RBFOX1: variants seen among roughly 807,000 people sequenced by gnomAD.
The protein encoded by RBFOX1 is RNA binding fox-1 homolog 1.
Under a neutral mutation model 57.7 loss-of-function variants are expected in RBFOX1, and 8 were observed. The ratio of observed to expected loss-of-function variants is 0.14; its 90% CI spans 0.08 to 0.25. RBFOX1 has a LOEUF of 0.25. Ranked by LOEUF, RBFOX1 falls within the 10% of genes least tolerant of loss-of-function variation. The pLI is 1.00. For synonymous variants in RBFOX1, 326 were observed against 222.4 expected (o/e 1.47, Z -4.15); for missense variants, 611 against 548.5 (o/e 1.11, Z -1.14).
At chr16:6,486,432 AATG>A (rs1247764655) in intron 2 of RBFOX1, among the ~76,000 whole-genome samples, 1 of 152,082 alleles carries the variant, frequency 6.6e-6, no homozygotes, top group African/African-American at 2.4e-5. Context: ...CTAATAATAA[AATG>A]ATTATTATTA....
At chr16:6,890,505 C>G (rs9933192) in intron 3 of RBFOX1, among the ~76,000 whole-genome samples, 97 of 152,048 alleles carry the variant, frequency 6.4e-4, no homozygotes, top group African/African-American at 2.3e-3. Flanking sequence ...GGCAACAGAG[C>G]GAGACTCCAT....
At chr16:7,415,057 G>C (rs912263185) in intron 4 of RBFOX1, among the ~76,000 whole-genome samples, 5 of 152,214 alleles carry the variant, frequency 3.3e-5, no homozygotes, top group Admixed American at 2.6e-4. Context: ...TACAGCCTCT[G>C]ACATACAAAG....
chr16:7,508,749 G>T (rs2074165125), intron 4 of RBFOX1, among the ~76,000 whole-genome samples: 1 of 152,104 alleles, frequency 6.6e-6, no homozygotes, highest in Non-Finnish European at 1.5e-5. Flanking sequence ...AAGCAGAAAG[G>T]TTGAATTCTT....
At chr16:5,789,599 A>T (rs1383561045) in intron 3 of RBFOX1, among the ~76,000 whole-genome samples, 1 of 152,114 alleles carries the variant, frequency 6.6e-6, no homozygotes, top group Admixed American at 6.5e-5. Context: ...CTGAGAGCTT[A>T]TTATTGTTCT....
At chr16:6,725,273 G>C (rs1243238867) in intron 3 of RBFOX1, among the ~76,000 whole-genome samples, 4 of 151,842 alleles carry the variant, frequency 2.6e-5, no homozygotes, top group Admixed American at 1.3e-4. Flanking sequence ...GGATGGTCTG[G>C]ATCTCCTGAC....
intron 2 of RBFOX1, among the ~76,000 whole-genome samples, chr16:6,480,095 A>T (rs1338936984): frequency 6.6e-6 from 1 of 151,984 alleles, no homozygotes; most frequent in East Asian, 1.9e-4. Flanking sequence ...ATGGGACTGA[A>T]ATTCACAATA....
chr16:6,995,534 G>T (rs573747011), intron 3 of RBFOX1, among the ~76,000 whole-genome samples: 1 of 152,268 alleles, frequency 6.6e-6, no homozygotes, highest in South Asian at 2.1e-4. Context: ...GGAGGCCAAG[G>T]AGGGTGGATC....
rs140493011 is a variant in RBFOX1 at position 6,714,792 on chromosome 16, G to T, written c.-16+60142G>T. Among the ~76,000 whole-genome samples the T allele has an allele frequency of 1.8e-3, 280 of 152,276 alleles. 1 individual carries two copies. Among genetic ancestry groups the T allele is most frequent in the African/African-American group, 6.2e-3 (259 of 41,552 alleles). On this transcript the variant is annotated intron_variant, in intron 3 of 15. Coordinates refer to ENST00000550418, the MANE Select transcript of RBFOX1 (RefSeq NM_018723.4). ...TCTAAACAGTGCAATTTGTTAGGAG[G>T]AGAAACTGGCTTATTTCTTTGAACC...
chr16:5,939,678 A>C (rs2059241380), intron 4 of RBFOX1, among the ~76,000 whole-genome samples: 1 of 152,236 alleles, frequency 6.6e-6, no homozygotes, highest in Admixed American at 6.5e-5. Flanking sequence ...CCTTGACTCA[A>C]GGGAGGTGGT....
At chr16:5,842,154 T>C (rs2056641313) in intron 3 of RBFOX1, among the ~76,000 whole-genome samples, 1 of 152,190 alleles carries the variant, frequency 6.6e-6, no homozygotes, top group African/African-American at 2.4e-5. Context: ...AAATCAAGTT[T>C]AGACTTGTTA....
chr16:6,510,445 C>T (rs966307416), intron 2 of RBFOX1, among the ~76,000 whole-genome samples: 2 of 152,168 alleles, frequency 1.3e-5, no homozygotes, highest in Non-Finnish European at 2.9e-5. Flanking sequence ...TAAGCTCCCT[C>T]ACTAAGAAAG....
chr16:7,325,375 T>C (rs1457726353), intron 4 of RBFOX1, among the ~76,000 whole-genome samples: 2 of 152,220 alleles, frequency 1.3e-5, no homozygotes, highest in Non-Finnish European at 1.5e-5. Flanking sequence ...ATGTGGTCTA[T>C]GTGGTTTAAT....
intron 1 of RBFOX1, among the ~76,000 whole-genome samples, chr16:6,067,899 T>C (rs1221676147): frequency 1.3e-5 from 2 of 152,226 alleles, no homozygotes; most frequent in African/African-American, 4.8e-5. Flanking sequence ...ATTGTAGCAA[T>C]TGGGGTAAAT....
chr16:5,668,576 T>G (rs1306406160), intron 3 of RBFOX1, among the ~76,000 whole-genome samples: 1 of 152,202 alleles, frequency 6.6e-6, no homozygotes, highest in Admixed American at 6.5e-5. Context: ...CTCTTCAGAT[T>G]AAACTGCAGC....
intron 2 of RBFOX1, among the ~76,000 whole-genome samples, chr16:5,539,667 G>A (rs763653976): frequency 1.3e-5 from 2 of 152,142 alleles, no homozygotes; most frequent in Admixed American, 1.3e-4. Context: ...GATGGGAATA[G>A]TTAATTTGTA....
chr16:6,690,803 G>A (rs1203884175), intron 3 of RBFOX1, among the ~76,000 whole-genome samples: 3 of 149,006 alleles, frequency 2.0e-5, no homozygotes, highest in African/African-American at 5.0e-5. Flanking sequence ...GCCAAGAAAG[G>A]TAGTGTCCCC....
intron 4 of RBFOX1, among the ~76,000 whole-genome samples, chr16:7,482,691 G>T (rs2064305713): frequency 6.6e-6 from 1 of 151,708 alleles, no homozygotes; most frequent in African/African-American, 2.4e-5. Flanking sequence ...AGGCTCCCCT[G>T]CTTGCACTTC....
intron 4 of RBFOX1, among the ~76,000 whole-genome samples, chr16:7,278,781 C>G (rs1197898808): frequency 1.3e-5 from 2 of 152,074 alleles, no homozygotes; most frequent in Non-Finnish European, 2.9e-5. Context: ...GCAATAAAAC[C>G]TGATATGTAC....
intron 2 of RBFOX1, among the ~76,000 whole-genome samples, chr16:6,574,428 T>G (rs1328184205): frequency 5.2e-5 from 7 of 134,460 alleles, no homozygotes; most frequent in African/African-American, 2.1e-4. Context: ...TCTTCTATTT[T>G]TTTTTTTTTT....
Sources: allele counts gnomAD v4.1 joint callset (sites outside exome capture counted in the v4.1 genomes callset), GRCh38; gene constraint gnomAD v4.1.1; transcripts MANE v1.5; gene names NCBI Gene and HGNC (gene_info 2026-07-23, HGNC 2026-07-21).